PLCB1: variants seen among roughly 807,000 people sequenced by gnomAD.
PLCB1 encodes 1-phosphatidylinositol 4,5-bisphosphate phosphodiesterase beta-1.
PLCB1 carries 46 observed loss-of-function variants against 161.8 expected under a neutral mutation model. That is an observed-to-expected ratio of 0.28 (90% confidence interval 0.22 to 0.36). PLCB1 has a LOEUF of 0.36. PLCB1 is among the 10% of genes least tolerant of loss of function. PLCB1 has a pLI of 1.00. For missense variants in PLCB1, 1,016 were observed against 1,472.5 expected, an observed-to-expected ratio of 0.69 and a Z score of 5.07; for synonymous variants, 517 against 503.7, an observed-to-expected ratio of 1.03 and a Z score of -0.35.
Position 8,740,340 on chromosome 20 carries a change from C to T in PLCB1, c.2309-4C>T. ...TGCTACACAGCATTATTCTCACCTT[C>T]CAGGCTATCACTATATCTGTCTAAG... On this transcript the variant is annotated splice_region_variant and splice_polypyrimidine_tract_variant and intron_variant, in intron 21 of 31. Coordinates refer to ENST00000338037, the MANE Select transcript of PLCB1 (RefSeq NM_015192.4). 1 of 1,543,072 alleles carries T rather than the reference C, an allele frequency of 6.5e-7. No individual in the cohort carries two copies. Among genetic ancestry groups the T allele is most frequent in the Non-Finnish European group, 8.9e-7 (1 of 1,119,664 alleles).
chr20:8,726,749 T>C (rs1291752241), intron 16 of PLCB1, among the ~76,000 whole-genome samples: 2 of 152,104 alleles, frequency 1.3e-5, no homozygotes, highest in African/African-American at 4.8e-5. Context: ...ATATCATGTA[T>C]CTAATATGAA....
intron 31 of PLCB1, among the ~76,000 whole-genome samples, chr20:8,812,623 A>G (rs1260078078): frequency 6.6e-6 from 1 of 152,182 alleles, no homozygotes. Context: ...GCACAGACCT[A>G]TGAGGATGCA....
At chr20:8,468,897 A>G (rs1400007597) in intron 3 of PLCB1, among the ~76,000 whole-genome samples, 1 of 152,186 alleles carries the variant, frequency 6.6e-6, no homozygotes, top group African/African-American at 2.4e-5. Flanking sequence ...TAGTCAGGAA[A>G]TATTAGAGAG....
intron 2 of PLCB1, among the ~76,000 whole-genome samples, chr20:8,196,288 C>T (rs2052023255): frequency 6.6e-6 from 1 of 152,074 alleles, no homozygotes; most frequent in Admixed American, 6.6e-5. Flanking sequence ...TTTTGAAATA[C>T]CATTTGGCAG....
intron 7 of PLCB1, among the ~76,000 whole-genome samples, chr20:8,655,711 C>T (rs983641551): frequency 6.6e-6 from 1 of 151,928 alleles, no homozygotes; most frequent in Non-Finnish European, 1.5e-5. Context: ...TAGGAGAACA[C>T]CCTTGGGGTT....
At chr20:8,717,617 G>C in intron 13 of PLCB1, 54 bp from the exon 14 acceptor site, 1 of 1,402,100 alleles carries the variant, frequency 7.1e-7, no homozygotes, top group Non-Finnish European at 9.8e-7. Flanking sequence ...TCTGGGGAGG[G>C]GATCTGAAAG....
At chr20:8,737,967 G>A (rs1980670098) in intron 20 of PLCB1, among the ~76,000 whole-genome samples, 1 of 152,124 alleles carries the variant, frequency 6.6e-6, no homozygotes, top group African/African-American at 2.4e-5. Context: ...GAAATATCTA[G>A]CACAATGAAA....
chr20:8,244,602 G>T (rs1980784703), intron 2 of PLCB1, among the ~76,000 whole-genome samples: 1 of 151,826 alleles, frequency 6.6e-6, no homozygotes, highest in Admixed American at 6.6e-5. Context: ...GGAAAGGGGT[G>T]CCTGATAATT....
At chr20:8,437,251 T>G (rs926737347) in intron 3 of PLCB1, among the ~76,000 whole-genome samples, 1 of 152,176 alleles carries the variant, frequency 6.6e-6, no homozygotes, top group Non-Finnish European at 1.5e-5. Context: ...ACCTCAGATA[T>G]TTTCCTCAGA....
chr20:8,850,591 T>C (rs1015158719), intron 31 of PLCB1, among the ~76,000 whole-genome samples: 14 of 152,178 alleles, frequency 9.2e-5, no homozygotes, highest in African/African-American at 3.1e-4. Context: ...GTGAGGACTT[T>C]ACGAGGTTTA....
intron 3 of PLCB1, among the ~76,000 whole-genome samples, chr20:8,404,464 A>G (rs1159259819): frequency 6.6e-6 from 1 of 152,242 alleles, no homozygotes; most frequent in Admixed American, 6.5e-5. Context: ...GAAAACACCT[A>G]GTAGAGAGGA....
In PLCB1 at chr20:8,742,551, C is replaced by T. The variant is rs375214649; in HGVS notation, c.2523+978C>T. On this transcript the variant is annotated intron_variant, in intron 23 of 31. Transcript: ENST00000338037. ...TCAACTGTAATTCAAACATCCCATCCGCTCAGAGATAGCCACATTAAATGT... is the reference window on the plus strand; with the variant it reads ...TCAACTGTAATTCAAACATCCCATCTGCTCAGAGATAGCCACATTAAATGT... Among the ~76,000 whole-genome samples, 7 of 152,206 alleles carry T rather than the reference C, an allele frequency of 4.6e-5. 1 individual carries two copies. In the South Asian group the frequency reaches 6.2e-4, roughly 14 times the overall value.
intron 24 of PLCB1, among the ~76,000 whole-genome samples, chr20:8,758,586 GA>G (rs904987155): frequency 1.6e-3 from 227 of 139,302 alleles, no homozygotes; most frequent in Non-Finnish European, 1.9e-3. Context: ...ATCTCAAAAA[GA>G]AAAAAAAAAA....
intron 2 of PLCB1, among the ~76,000 whole-genome samples, chr20:8,319,461 G>C (rs1190822522): frequency 6.6e-6 from 1 of 151,980 alleles, no homozygotes; most frequent in Non-Finnish European, 1.5e-5. Context: ...AGAGTGGAGA[G>C]CATCAGGCCC....
intron 3 of PLCB1, among the ~76,000 whole-genome samples, chr20:8,457,742 ACACACG>A (rs1981387851): frequency 7.0e-6 from 1 of 141,994 alleles, no homozygotes; most frequent in Non-Finnish European, 1.6e-5. Context: ...ACACACACAC[ACACACG>A]TACACACCAT....
At chr20:8,231,953 TA>T (rs1430141646) in intron 2 of PLCB1, among the ~76,000 whole-genome samples, 1 of 152,190 alleles carries the variant, frequency 6.6e-6, no homozygotes, top group Non-Finnish European at 1.5e-5. Context: ...GTAACTATTT[TA>T]TATAGCTTTT....
At chr20:8,492,571 G>A (rs1295517632) in intron 3 of PLCB1, among the ~76,000 whole-genome samples, 1 of 151,882 alleles carries the variant, frequency 6.6e-6, no homozygotes, top group African/African-American at 2.4e-5. Flanking sequence ...ATTGCCTTCT[G>A]TACATATGTT....
At chr20:8,136,836 C>T (rs181152924) in intron 1 of PLCB1, among the ~76,000 whole-genome samples, 65 of 152,112 alleles carry the variant, frequency 4.3e-4, no homozygotes, top group Middle Eastern at 3.4e-3. Flanking sequence ...AGGTGTTTCA[C>T]GGAAAATAAG....
At chr20:8,299,452 CA>C (rs1742287915) in intron 2 of PLCB1, among the ~76,000 whole-genome samples, 1 of 152,108 alleles carries the variant, frequency 6.6e-6, no homozygotes, top group Non-Finnish European at 1.5e-5. Flanking sequence ...CTCCCATTCT[CA>C]ATCAACAGTC....
Sources: allele counts gnomAD v4.1 joint callset (sites outside exome capture counted in the v4.1 genomes callset), GRCh38; gene constraint gnomAD v4.1.1; transcripts MANE v1.5; gene names NCBI Gene and HGNC (gene_info 2026-07-23, HGNC 2026-07-21).